Variants in PTPN14 observed in about 807,000 individuals in gnomAD.
The protein encoded by PTPN14 is tyrosine-protein phosphatase non-receptor type 14.
PTPN14 carries 53 observed loss-of-function variants against 126.8 expected under a neutral mutation model. That is an observed-to-expected ratio of 0.42 (90% CI 0.34 to 0.53). The LOEUF (loss-of-function observed/expected upper bound fraction) is 0.53, where lower values mean the gene tolerates loss of function less well. Among genes scored for constraint, PTPN14 ranks in the 20% least tolerant of loss-of-function variants. The pLI is 0.08. For missense variants in PTPN14, 1,257 were observed against 1,552.9 expected (o/e 0.81, Z 3.20); for synonymous variants, 630 against 599.3 (o/e 1.05, Z -0.75).
At chr1:214,365,033 G>A (rs1658048778) in intron 17 of PTPN14, among the ~76,000 whole-genome samples, 1 of 152,004 alleles carries the variant, frequency 6.6e-6, no homozygotes, top group East Asian at 1.9e-4. Context: ...AGCAATTCCT[G>A]CTATTAACAG....
At chr1:214,544,248 G>A (rs1375866183) in intron 1 of PTPN14, among the ~76,000 whole-genome samples, 1 of 151,746 alleles carries the variant, frequency 6.6e-6, no homozygotes, top group Non-Finnish European at 1.5e-5. Flanking sequence ...TTTGAACATA[G>A]GGAGACTCCA....
At chr1:214,386,786 C>T in intron 12 of PTPN14, 58 bp downstream of exon 12, 1 of 1,459,294 alleles carries the variant, frequency 6.9e-7, no homozygotes, top group Non-Finnish European at 9.5e-7. Flanking sequence ...GCCTTCTTTA[C>T]TGCTTACTGG....
In PTPN14 at chr1:214,483,508, T is replaced by A. The variant is rs571468838; in HGVS notation, c.-154-18551A>T. 8.5e-5 allele frequency: 57 copies of A among 667,122 alleles called. No individual in the cohort carries two copies. In the South Asian group the frequency reaches 9.9e-4, roughly 12 times the overall value. The allele number at this position is 667,122 out of a possible 1,614,324, so 41.3% of individuals were successfully genotyped here. On this transcript the variant is annotated intron_variant, in intron 1 of 18. Transcript: ENST00000366956. ...CGCCTCCAGTTAACAACTTTCACTG[T>A]CTTGAAGTTTCTTCTTTGTAAAATA...
chr1:214,387,030 C>A, intron 11 of PTPN14, 108 bp from the exon 12 acceptor site: 1 of 983,094 alleles, frequency 1.0e-6, no homozygotes, highest in Admixed American at 2.2e-5. Flanking sequence ...AAGGGAGGCT[C>A]GTGGCAGCTG....
intron 3 of PTPN14, among the ~76,000 whole-genome samples, chr1:214,428,676 G>A (rs939374227): frequency 1.3e-5 from 2 of 152,170 alleles, no homozygotes; most frequent in African/African-American, 4.8e-5. Flanking sequence ...AAGAGACCAT[G>A]TAGTAAATGT....
chr1:214,397,579 T>A (rs1658912385), intron 8 of PTPN14, among the ~76,000 whole-genome samples: 1 of 152,240 alleles, frequency 6.6e-6, no homozygotes. Context: ...GGCACTCTTG[T>A]GGCACAGGTG....
intron 7 of PTPN14, among the ~76,000 whole-genome samples, chr1:214,400,270 G>A (rs1210757348): frequency 1.3e-5 from 2 of 152,110 alleles, no homozygotes; most frequent in African/African-American, 2.4e-5. Flanking sequence ...TGGTACTGTT[G>A]CTCCCACCCT....
chr1:214,412,175 A>C (rs1026065417), intron 4 of PTPN14, among the ~76,000 whole-genome samples: 2 of 152,172 alleles, frequency 1.3e-5, no homozygotes, highest in African/African-American at 4.8e-5. Flanking sequence ...TCCCACTGTA[A>C]ATCACCCTTG....
intron 1 of PTPN14, among the ~76,000 whole-genome samples, chr1:214,474,925 G>A (rs55858008): frequency 0.015 from 2,297 of 152,254 alleles, 63 homozygotes; most frequent in African/African-American, 0.052. Flanking sequence ...TGACCTTAGC[G>A]AAACTTTCCT....
At chr1:214,538,206 T>C (rs886884629) in intron 1 of PTPN14, among the ~76,000 whole-genome samples, 2 of 152,190 alleles carry the variant, frequency 1.3e-5, no homozygotes, top group South Asian at 2.1e-4. Context: ...AAGGAAAGAA[T>C]GAATGGAAGG....
chr1:214,435,643 A>G (rs1337780089), intron 3 of PTPN14, among the ~76,000 whole-genome samples: 2 of 152,232 alleles, frequency 1.3e-5, no homozygotes, highest in Non-Finnish European at 2.9e-5. Flanking sequence ...AAGCATAAGA[A>G]AAAATGCTCA....
At chr1:214,470,095 T>C (rs1474391967) in intron 1 of PTPN14, among the ~76,000 whole-genome samples, 1 of 148,664 alleles carries the variant, frequency 6.7e-6, no homozygotes, top group African/African-American at 2.5e-5. Flanking sequence ...AAGAACAGCC[T>C]GGGCAAAATA....
intron 3 of PTPN14, among the ~76,000 whole-genome samples, chr1:214,424,965 G>GA (rs1659628686): frequency 6.9e-6 from 1 of 145,150 alleles, no homozygotes. Flanking sequence ...ATCCATCTCT[G>GA]TTTTTTTTTT....
intron 1 of PTPN14, among the ~76,000 whole-genome samples, chr1:214,494,305 G>A (rs575531622): frequency 1.8e-4 from 27 of 152,054 alleles, no homozygotes; most frequent in Middle Eastern, 3.4e-3. Context: ...CTTGTGATCC[G>A]CCCGCCTTGG....
intron 1 of PTPN14, chr1:214,532,530 G>A (rs1026521431): frequency 9.9e-7 from 1 of 1,014,068 alleles, no homozygotes; most frequent in Non-Finnish European, 1.6e-6. Context: ...GGAGCACCTG[G>A]AGAAGAAGGG....
At chr1:214,507,473 A>C (rs542600694) in intron 1 of PTPN14, among the ~76,000 whole-genome samples, 10 of 152,372 alleles carry the variant, frequency 6.6e-5, no homozygotes, top group Admixed American at 2.6e-4. Context: ...ATCCTGAGTC[A>C]GTATAGCTCA....
In PTPN14 at chr1:214,357,917, G is replaced by C; in HGVS notation, c.*5C>G. On this transcript the variant is annotated 3_prime_UTR_variant, in exon 19 of 19. Coordinates refer to ENST00000366956, the MANE Select transcript of PTPN14 (RefSeq NM_005401.5). ...GTCCCTCCTCCAGGAGCTGGATTGGGGTGATTAAATGAGTCTGGAGTTTTG... is the reference window on the plus strand; with the variant it reads ...GTCCCTCCTCCAGGAGCTGGATTGGCGTGATTAAATGAGTCTGGAGTTTTG... The C allele has an allele frequency of 6.2e-7, 1 of 1,611,662 alleles. No individual in the cohort carries two copies.
At chr1:214,431,223 T>C (rs185468599) in intron 3 of PTPN14, among the ~76,000 whole-genome samples, 3 of 152,244 alleles carry the variant, frequency 2.0e-5, no homozygotes, top group Non-Finnish European at 4.4e-5. Flanking sequence ...TTCTAAGCAA[T>C]GGTAAGACAT....
intron 5 of PTPN14, 104 bp downstream of exon 5, chr1:214,411,580 T>C: frequency 1.2e-6 from 1 of 826,152 alleles, no homozygotes; most frequent in East Asian, 2.9e-5. Flanking sequence ...ATCGACTTTT[T>C]CCCCAGGGAA....
Sources: allele counts gnomAD v4.1 joint callset (sites outside exome capture counted in the v4.1 genomes callset), GRCh38; gene constraint gnomAD v4.1.1; transcripts MANE v1.5; gene names NCBI Gene and HGNC (gene_info 2026-07-23, HGNC 2026-07-21).